Variants in AP3B1 observed in about 807,000 individuals in gnomAD.
The protein encoded by AP3B1 is adaptor related protein complex 3 subunit beta 1.
AP3B1 carries 61 observed loss-of-function variants against 132.5 expected under a neutral mutation model. That is an observed-to-expected ratio of 0.46 (90% confidence interval 0.37 to 0.57). AP3B1 has a LOEUF of 0.57. Ranked by LOEUF, AP3B1 falls within the 20% of genes least tolerant of loss-of-function variation. AP3B1 has a pLI of 0.00. For synonymous variants in AP3B1, 388 were observed against 438.3 expected, an observed-to-expected ratio of 0.89 and a Z score of 1.43; for missense variants, 1,120 against 1,289.4, an observed-to-expected ratio of 0.87 and a Z score of 2.01.
intron 23 of AP3B1, 52 bp from the exon 24 acceptor site, chr5:78,034,497 G>T: frequency 7.3e-7 from 1 of 1,362,350 alleles, no homozygotes; most frequent in Non-Finnish European, 1.1e-6. Context: ...TGAAAAAGAG[G>T]CAAACTAAAC....
chr5:78,201,120 C>A (rs1745272236), intron 7 of AP3B1, among the ~76,000 whole-genome samples: 1 of 152,154 alleles, frequency 6.6e-6, no homozygotes, highest in Non-Finnish European at 1.5e-5. Context: ...TGAGATCTTG[C>A]ACTTCTAGAT....
chr5:78,021,601 G>A (rs1254653237), intron 24 of AP3B1, among the ~76,000 whole-genome samples: 1 of 152,068 alleles, frequency 6.6e-6, no homozygotes, highest in African/African-American at 2.4e-5. Context: ...CAGAAAATCC[G>A]ACTAACAGTT....
At chr5:78,102,061 T>C (rs930764323) in intron 20 of AP3B1, among the ~76,000 whole-genome samples, 4 of 152,114 alleles carry the variant, frequency 2.6e-5, no homozygotes, top group African/African-American at 9.6e-5. Flanking sequence ...CCAAGATAGA[T>C]ATAGTCCTGC....
chr5:78,136,526 T>C lies in AP3B1; in HGVS notation c.1650+4617A>G, dbSNP rs554606211. ...TGTACTTCAGAGGTTAACATCTACA[T>C]GTGTTATGCGCCATATTCATGCTCA... On this transcript the variant is annotated intron_variant, in intron 15 of 26. Transcript: ENST00000255194. Among the ~76,000 whole-genome samples, 3 of 152,286 alleles carry C rather than the reference T, an allele frequency of 2.0e-5. No homozygotes were observed. In the South Asian group the frequency reaches 6.2e-4, roughly 32 times the overall value.
At chr5:78,147,897 G>A (rs375737700) in intron 14 of AP3B1, among the ~76,000 whole-genome samples, 46 of 152,186 alleles carry the variant, frequency 3.0e-4, no homozygotes, top group African/African-American at 1.0e-3. Flanking sequence ...ATCCAGGCAC[G>A]GTGGCGCATG....
chr5:78,169,733 G>GTTTA lies in AP3B1; in HGVS notation c.1168-4065_1168-4062dup, dbSNP rs1554072569. Reference sequence around the variant, plus strand: ...ATGAGCCACTGTGCCAAGCCCTGAAGTTTATTTATTTATTTATTTATTTAT... The same window carrying GTTTA: ...ATGAGCCACTGTGCCAAGCCCTGAAGTTTATTTATTTATTTATTTATTTATTTAT... On this transcript the variant is annotated intron_variant, in intron 11 of 26. Coordinates refer to ENST00000255194, the MANE Select transcript of AP3B1 (RefSeq NM_003664.5). 8.0e-3 allele frequency among the ~76,000 whole-genome samples: 1,208 copies of GTTTA among 151,258 alleles called. 10 individuals carry two copies. Among genetic ancestry groups the GTTTA allele is most frequent in the South Asian group, 0.017 (80 of 4,784 alleles).
chr5:78,279,262 A>G (rs1385022837), intron 1 of AP3B1, among the ~76,000 whole-genome samples: 1 of 152,176 alleles, frequency 6.6e-6, no homozygotes. Flanking sequence ...CACCGCTAAC[A>G]TGTCGTGTTT....
intron 17 of AP3B1, among the ~76,000 whole-genome samples, chr5:78,117,339 T>G (rs1442453409): frequency 6.6e-6 from 1 of 151,298 alleles, no homozygotes; most frequent in East Asian, 1.9e-4. Flanking sequence ...AGACGGAGTC[T>G]CGCTCCGTCG....
At chr5:78,202,576 T>A (rs997743991) in intron 7 of AP3B1, among the ~76,000 whole-genome samples, 4 of 151,606 alleles carry the variant, frequency 2.6e-5, no homozygotes, top group Admixed American at 6.6e-5. Context: ...TGTGTGTGTG[T>A]GTGTGTGTGT....
intron 18 of AP3B1, among the ~76,000 whole-genome samples, chr5:78,115,692 A>G (rs930827598): frequency 2.0e-5 from 3 of 152,130 alleles, no homozygotes; most frequent in African/African-American, 7.2e-5. Context: ...CTTTATCTCT[A>G]TAGAGGTTCA....
At chr5:78,029,076 T>C (rs933350693) in intron 24 of AP3B1, among the ~76,000 whole-genome samples, 1 of 152,206 alleles carries the variant, frequency 6.6e-6, no homozygotes, top group African/African-American at 2.4e-5. Context: ...TATGTAAACA[T>C]ATATATCTTA....
At chr5:78,038,932 C>A in intron 23 of AP3B1, 111 bp downstream of exon 23, 1 of 682,640 alleles carries the variant, frequency 1.5e-6, no homozygotes, top group Non-Finnish European at 2.5e-6. Context: ...ATTGTCAATA[C>A]AATCATATTC....
intron 26 of AP3B1, among the ~76,000 whole-genome samples, chr5:78,009,169 A>T (rs1746510638): frequency 6.6e-6 from 1 of 152,046 alleles, no homozygotes. Context: ...ATATGGAACA[A>T]GTTGGCCAGG....
chr5:78,287,650 A>G (rs1240909294), intron 1 of AP3B1, among the ~76,000 whole-genome samples: 1 of 152,024 alleles, frequency 6.6e-6, no homozygotes, highest in Non-Finnish European at 1.5e-5. Flanking sequence ...GCTAGTATAC[A>G]GTTTCTTCTT....
chr5:78,020,469 G>A (rs1302373464), intron 25 of AP3B1, among the ~76,000 whole-genome samples: 2 of 152,072 alleles, frequency 1.3e-5, no homozygotes, highest in Non-Finnish European at 2.9e-5. Context: ...AAGAATTAAT[G>A]TATCATTTAA....
intron 26 of AP3B1, among the ~76,000 whole-genome samples, chr5:78,009,562 G>T (rs1318565181): frequency 1.3e-5 from 2 of 152,036 alleles, no homozygotes; most frequent in African/African-American, 2.4e-5. Flanking sequence ...TATGTGTGTT[G>T]ATAAATTAAA....
At chr5:78,285,604 C>G (rs1367192696) in intron 1 of AP3B1, among the ~76,000 whole-genome samples, 2 of 152,146 alleles carry the variant, frequency 1.3e-5, no homozygotes, top group Non-Finnish European at 2.9e-5. Context: ...TTAGTATCTC[C>G]ACATGGATGC....
chr5:78,243,165 T>C (rs1747216907), intron 2 of AP3B1, among the ~76,000 whole-genome samples: 1 of 152,224 alleles, frequency 6.6e-6, no homozygotes, highest in African/African-American at 2.4e-5. Context: ...ATGGAGGGTT[T>C]ACAAAATACT....
chr5:78,098,604 A>G, intron 21 of AP3B1, among the ~76,000 whole-genome samples: 1 of 152,262 alleles, frequency 6.6e-6, no homozygotes, highest in East Asian at 1.9e-4. Context: ...TACAAAATAT[A>G]AAATGAAAGT....
Sources: gnomAD v4.1 joint callset for allele counts (sites outside exome capture counted in the v4.1 genomes callset) on GRCh38, gnomAD v4.1.1 for gene constraint, MANE v1.5 for transcripts, NCBI Gene and HGNC (gene_info 2026-07-23, HGNC 2026-07-21) for gene names.